ACYP2: variants seen among roughly 807,000 people sequenced by gnomAD.
ACYP2 encodes the protein acylphosphatase-2.
Under a neutral mutation model 11.2 loss-of-function variants are expected in ACYP2, and 12 were observed. That is an observed-to-expected ratio of 1.08 (90% confidence interval 0.69 to 1.74). The LOEUF is 1.74. Among genes scored for constraint, ACYP2 ranks in the 40% most tolerant of loss-of-function variants. The pLI is 0.00. For synonymous variants in ACYP2, 43 were observed against 32.2 expected, an observed-to-expected ratio of 1.33 and a Z score of -1.13; for missense variants, 134 against 101.9, an observed-to-expected ratio of 1.31 and a Z score of -1.35.
At chr2:54,090,503 C>T (rs1390443578) in intron 4 of ACYP2, among the ~76,000 whole-genome samples, 2 of 152,028 alleles carry the variant, frequency 1.3e-5, no homozygotes, top group Non-Finnish European at 2.9e-5. Flanking sequence ...GGGTGGCGTG[C>T]GCCTGGATTC....
At chr2:54,019,071 G>GTT (rs34485538) in intron 2 of ACYP2, among the ~76,000 whole-genome samples, 2 of 141,790 alleles carry the variant, frequency 1.4e-5, no homozygotes, top group African/African-American at 5.2e-5. Context: ...TTATTATTAT[G>GTT]TTTTTTTTTT....
intron 4 of ACYP2, among the ~76,000 whole-genome samples, chr2:54,062,246 C>T (rs559052558): frequency 7.2e-5 from 11 of 152,080 alleles, no homozygotes; most frequent in Non-Finnish European, 8.8e-5. Flanking sequence ...TGGGCTTGAA[C>T]GACTCCCTTG....
intron 2 of ACYP2, chr2:53,975,207 G>C: frequency 5.2e-6 from 2 of 387,924 alleles, no homozygotes; most frequent in Non-Finnish European, 9.0e-6. Flanking sequence ...CCTGGCGACA[G>C]AGCGAGACTC....
intron 6 of ACYP2, among the ~76,000 whole-genome samples, chr2:54,249,705 C>T (rs1052526858): frequency 3.9e-5 from 6 of 151,992 alleles, no homozygotes; most frequent in Admixed American, 2.6e-4. Context: ...CACTCTGAGG[C>T]CATGGCAGGA....
At chr2:54,134,820 A>T (rs1421745566) in intron 4 of ACYP2, among the ~76,000 whole-genome samples, 1 of 152,176 alleles carries the variant, frequency 6.6e-6, no homozygotes, top group African/African-American at 2.4e-5. Flanking sequence ...ATAGTGTAGA[A>T]CCCTCGATAT....
chr2:54,194,644 A>T (rs139775967), intron 6 of ACYP2, among the ~76,000 whole-genome samples: 6 of 152,062 alleles, frequency 3.9e-5, no homozygotes, highest in African/African-American at 1.4e-4. Context: ...GTTATTTTTC[A>T]CCTTTAATTT....
intron 6 of ACYP2, among the ~76,000 whole-genome samples, chr2:54,266,780 G>A (rs1278303169): frequency 1.3e-5 from 2 of 150,926 alleles, no homozygotes; most frequent in African/African-American, 4.9e-5. Flanking sequence ...TAATTTTTTT[G>A]TATTTTTTTT....
chr2:54,037,359 C>T (rs762754462), intron 2 of ACYP2, among the ~76,000 whole-genome samples: 16 of 152,158 alleles, frequency 1.1e-4, no homozygotes, highest in Non-Finnish European at 1.9e-4. Context: ...AAGTGATCCA[C>T]CTGTCTCAGC....
At chr2:54,243,434 T>C (rs1207291491) in intron 6 of ACYP2, among the ~76,000 whole-genome samples, 1 of 152,234 alleles carries the variant, frequency 6.6e-6, no homozygotes, top group Non-Finnish European at 1.5e-5. Context: ...AAATATGGTA[T>C]TATAATCCTA....
intron 6 of ACYP2, among the ~76,000 whole-genome samples, chr2:54,177,621 A>G (rs540476341): frequency 4.6e-4 from 61 of 133,186 alleles, no homozygotes; most frequent in African/African-American, 2.2e-3. Flanking sequence ...TCTGTCACCC[A>G]GGCTGGAGTG....
intron 2 of ACYP2, among the ~76,000 whole-genome samples, chr2:54,029,126 C>G (rs377179395): frequency 3.9e-4 from 60 of 152,208 alleles, no homozygotes; most frequent in African/African-American, 1.4e-3. Context: ...GATGACACCA[C>G]TGTACTCTAG....
intron 3 of ACYP2, among the ~76,000 whole-genome samples, chr2:54,052,038 C>T (rs1170674650): frequency 1.7e-5 from 2 of 116,054 alleles, no homozygotes; most frequent in African/African-American, 6.8e-5. Flanking sequence ...CAGAGCAAGA[C>T]TCTGTCTCAA....
At chr2:54,118,736 C>G (rs1051686920) in intron 4 of ACYP2, among the ~76,000 whole-genome samples, 16 of 152,252 alleles carry the variant, frequency 1.1e-4, no homozygotes, top group Non-Finnish European at 2.4e-4. Context: ...TTTAAAAAGT[C>G]AACTTTAGGG....
At chr2:54,124,795 G>A (rs1436903051) in intron 4 of ACYP2, among the ~76,000 whole-genome samples, 1 of 152,156 alleles carries the variant, frequency 6.6e-6, no homozygotes, top group African/African-American at 2.4e-5. Flanking sequence ...CGACCTCACA[G>A]GCTCAATTGA....
intron 5 of ACYP2, among the ~76,000 whole-genome samples, chr2:54,136,318 C>A (rs559872668): frequency 6.6e-6 from 1 of 152,208 alleles, no homozygotes; most frequent in East Asian, 1.9e-4. Context: ...CCATGCCTGG[C>A]TCCATGTTGC....
chr2:54,021,810 A>C (rs1674021792), intron 2 of ACYP2, among the ~76,000 whole-genome samples: 1 of 152,182 alleles, frequency 6.6e-6, no homozygotes, highest in South Asian at 2.1e-4. Context: ...TTTATTTTAC[A>C]ACTGGGTTGT....
At chr2:54,198,095 C>T (rs1390490485) in intron 6 of ACYP2, among the ~76,000 whole-genome samples, 1 of 151,936 alleles carries the variant, frequency 6.6e-6, no homozygotes, top group Admixed American at 6.6e-5. Context: ...TCTTGGCTCA[C>T]TGCAACCTTG....
At chr2:54,076,411 G>A (rs919613062) in intron 4 of ACYP2, among the ~76,000 whole-genome samples, 1 of 152,306 alleles carries the variant, frequency 6.6e-6, no homozygotes, top group South Asian at 2.1e-4. Flanking sequence ...GGCTTAAAGA[G>A]ATTGAGAAGC....
chr2:54,093,606 A>G (rs62137964), intron 4 of ACYP2, among the ~76,000 whole-genome samples: 37,512 of 152,122 alleles, frequency 0.25, 5,197 homozygotes, highest in South Asian at 0.47. Context: ...TTAGAGACTT[A>G]GTTTTCTCAT....
Sources: allele counts gnomAD v4.1 joint callset (sites outside exome capture counted in the v4.1 genomes callset), GRCh38; gene constraint gnomAD v4.1.1; transcripts MANE v1.5; gene names NCBI Gene and HGNC (gene_info 2026-07-23, HGNC 2026-07-21).